TTC28: variants seen among roughly 807,000 people sequenced by gnomAD.
TTC28 encodes tetratricopeptide repeat domain 28, also known as tetratricopeptide repeat protein 28.
TTC28 carries 61 observed loss-of-function variants against 198.0 expected under a neutral mutation model. The ratio of observed to expected loss-of-function variants is 0.31; its 90% confidence interval spans 0.25 to 0.38. TTC28 has a LOEUF of 0.38. TTC28 is among the 10% of genes least tolerant of loss of function. The pLI is 1.00. For synonymous variants in TTC28, 1,171 were observed against 1,297.8 expected (o/e 0.90, Z 2.10); for missense variants, 2,678 against 3,164.0 (o/e 0.85, Z 3.69).
chr22:28,236,743 A>G (rs1929277190), intron 5 of TTC28, among the ~76,000 whole-genome samples: 1 of 152,212 alleles, frequency 6.6e-6, no homozygotes, highest in Non-Finnish European at 1.5e-5. Context: ...TTTAAATTCC[A>G]GCGTACGTTC....
intron 2 of TTC28, among the ~76,000 whole-genome samples, chr22:28,521,394 G>GA (rs1204906244): frequency 6.6e-6 from 1 of 152,030 alleles, no homozygotes; most frequent in East Asian, 1.9e-4. Flanking sequence ...GTGACAGAGG[G>GA]AGACCCTATC....
At chr22:28,131,468 AC>A (rs1210491194) in intron 6 of TTC28, among the ~76,000 whole-genome samples, 2 of 152,198 alleles carry the variant, frequency 1.3e-5, no homozygotes, top group African/African-American at 4.8e-5. Flanking sequence ...CTGGTTGTTT[AC>A]CATCATGATC....
chr22:28,057,400 A>G (rs115221100), intron 12 of TTC28, among the ~76,000 whole-genome samples: 1,619 of 152,186 alleles, frequency 0.011, 31 homozygotes, highest in African/African-American at 0.036. Flanking sequence ...CATGCTAGAT[A>G]TTTTTTGATG....
chr22:27,992,678 A>G lies in TTC28; in HGVS notation c.5477-15T>C. ...ATTGGGCAGACCTAAACCAAGAAAA[A>G]AGGGTAGAAGTTATTCAGAAGGGCC... On this transcript the variant is annotated splice_polypyrimidine_tract_variant and intron_variant, in intron 18 of 22. Transcript: ENST00000397906. The G allele has an allele frequency of 1.3e-6, 2 of 1,550,800 alleles. No individual in the cohort carries two copies. Among genetic ancestry groups the G allele is most frequent in the Non-Finnish European group, 1.7e-6 (2 of 1,146,728 alleles).
chr22:28,671,608 C>A (rs1466499069), intron 1 of TTC28, among the ~76,000 whole-genome samples: 2 of 144,566 alleles, frequency 1.4e-5, no homozygotes, highest in Non-Finnish European at 3.0e-5. Flanking sequence ...GCACTCCAGC[C>A]TGGGCGACAG....
chr22:28,628,406 A>G (rs73430202), intron 2 of TTC28, among the ~76,000 whole-genome samples: 4,586 of 152,240 alleles, frequency 0.03, 236 homozygotes, highest in African/African-American at 0.11. Context: ...TTGTAGTCGA[A>G]TTAATATATT....
At chr22:28,388,918 C>A (rs1432198236) in intron 2 of TTC28, among the ~76,000 whole-genome samples, 1 of 152,144 alleles carries the variant, frequency 6.6e-6, no homozygotes, top group Non-Finnish European at 1.5e-5. Context: ...CTGTCTTGTG[C>A]CAGTTTTCAG....
chr22:27,992,568 C>T lies in TTC28; in HGVS notation c.5553+19G>A, dbSNP rs1211976307. ...GCATGGGCCTCAGGCCCTGGCTCAG[C>T]CCTCCAGGCTCGACTTACCCGGCTG... On this transcript the variant is annotated intron_variant, in intron 19 of 22. Coordinates refer to ENST00000397906, the MANE Select transcript of TTC28 (RefSeq NM_001145418.2). 1.9e-6 allele frequency: 3 copies of T among 1,550,686 alleles called. No homozygotes were observed. Among genetic ancestry groups the T allele is most frequent in the Non-Finnish European group, 2.6e-6 (3 of 1,146,764 alleles).
At chr22:28,638,616 T>C (rs572402371) in intron 1 of TTC28, among the ~76,000 whole-genome samples, 7 of 152,072 alleles carry the variant, frequency 4.6e-5, no homozygotes, top group Admixed American at 1.3e-4. Context: ...AACAATTCAA[T>C]GGAAAAAATG....
At position 27,983,184 on chromosome 22, in the gene TTC28, C is replaced by A. The variant is rs986137574; in HGVS notation, c.6483G>T (p.Glu2161Asp). The change falls in exon 23 of 23, where the codon GAG becomes GAT. Residue 2161 changes from glutamate to aspartate, a missense_variant. Transcript: ENST00000397906. Reference sequence around the variant, plus strand: ...TCTCCTCCAGAATTTTCTGGGCTAACTCTTGTGGATCCAGTTTTGGGTTGC... The same window carrying A: ...TCTCCTCCAGAATTTTCTGGGCTAAATCTTGTGGATCCAGTTTTGGGTTGC... ...EESNPKLDPQ[E>D]LAQKILEETQ... is the part of the protein sequence containing the mutation. The A allele has an allele frequency of 6.4e-7, 1 of 1,551,828 alleles. No homozygotes were observed.
chr22:28,217,084 C>A (rs1161972068), intron 5 of TTC28, among the ~76,000 whole-genome samples: 4 of 152,050 alleles, frequency 2.6e-5, no homozygotes, highest in Non-Finnish European at 5.9e-5. Flanking sequence ...ATAACAAATA[C>A]CCTCAGATAT....
chr22:28,312,033 G>GA (rs1396905175), intron 2 of TTC28, among the ~76,000 whole-genome samples: 30 of 115,008 alleles, frequency 2.6e-4, no homozygotes, highest in Middle Eastern at 5.0e-3. Context: ...CAAATAGAAA[G>GA]CAAAAAAAAA....
chr22:28,030,244 C>G lies in TTC28; in HGVS notation c.4055G>C (p.Arg1352Pro). 6.4e-7 allele frequency: 1 copy of G among 1,551,684 alleles called. No homozygotes were observed. The highest frequency in any genetic ancestry group is 2.4e-5 in the East Asian group (1 of 40,918). The change falls in exon 13 of 23, where the codon CGC becomes CCC. Residue 1352 changes from arginine to proline, a missense_variant. Arg to Pro is a moderately radical substitution (Grantham distance 103). This residue lies in a region of TTC28 where 727 missense variants were observed against 861.9 expected (regional missense o/e 0.84). Coordinates refer to ENST00000397906, the MANE Select transcript of TTC28 (RefSeq NM_001145418.2). ...DPTGFLRMVR[R>P]NNLFNRSCQS... ...CACTCACCTGTTAAACAGGTTATTGCGGCGAACCATCCGCAGAAAGCCAGT... is the reference window on the plus strand; with the variant it reads ...CACTCACCTGTTAAACAGGTTATTGGGGCGAACCATCCGCAGAAAGCCAGT...
At chr22:28,399,674 A>G (rs917071421) in intron 2 of TTC28, among the ~76,000 whole-genome samples, 8 of 152,200 alleles carry the variant, frequency 5.3e-5, no homozygotes, top group African/African-American at 1.7e-4. Flanking sequence ...AAACTGATAA[A>G]TTTATCTTAA....
chr22:27,992,154 G>A (rs1377912626), intron 19 of TTC28, among the ~76,000 whole-genome samples: 4 of 150,116 alleles, frequency 2.7e-5, no homozygotes. Flanking sequence ...CAGGTGACAG[G>A]GGCCCCATAA....
chr22:28,528,328 G>A (rs1295206445), intron 2 of TTC28, among the ~76,000 whole-genome samples: 4 of 152,094 alleles, frequency 2.6e-5, no homozygotes, highest in African/African-American at 4.8e-5. Flanking sequence ...CAATACTGTT[G>A]CAAAGTTCTT....
intron 13 of TTC28, among the ~76,000 whole-genome samples, chr22:28,018,815 TG>T (rs1441295084): frequency 6.6e-6 from 1 of 152,184 alleles, no homozygotes; most frequent in Non-Finnish European, 1.5e-5. Flanking sequence ...GGTGTCAAGC[TG>T]GGACTCAGAG....
chr22:28,520,914 G>T (rs554115577), intron 2 of TTC28, among the ~76,000 whole-genome samples: 1 of 151,796 alleles, frequency 6.6e-6, no homozygotes, highest in East Asian at 1.9e-4. Context: ...TTAGCCAGGC[G>T]TAGTGGCACG....
At chr22:28,298,578 A>C (rs2145786829) in intron 3 of TTC28, among the ~76,000 whole-genome samples, 1 of 152,186 alleles carries the variant, frequency 6.6e-6, no homozygotes, top group South Asian at 2.1e-4. Context: ...CCTCCCAAGT[A>C]GCTAGGACCA....
Sources: gnomAD v4.1 joint callset for allele counts (sites outside exome capture counted in the v4.1 genomes callset) on GRCh38, gnomAD v4.1.1 for gene constraint, gnomAD v4.1.1 regional missense constraint, MANE v1.5 for transcripts, NCBI Gene and HGNC (gene_info 2026-07-23, HGNC 2026-07-21) for gene names.